The following SEMA5B variants were observed in gnomAD, a reference collection of about 807,000 sequenced individuals.
SEMA5B encodes semaphorin-5B.
Under a neutral mutation model 135.0 loss-of-function variants are expected in SEMA5B, and 66 were observed. The ratio of observed to expected loss-of-function variants is 0.49; its 90% CI spans 0.40 to 0.60. SEMA5B has a LOEUF of 0.60. Ranked by LOEUF, SEMA5B falls within the 20% of genes least tolerant of loss-of-function variation. SEMA5B has a pLI of 0.00. For synonymous variants in SEMA5B, 690 were observed against 639.5 expected (o/e 1.08, Z -1.19); for missense variants, 1,501 against 1,566.3 (o/e 0.96, Z 0.70).
intron 12 of SEMA5B, 108 bp downstream of exon 12, chr3:122,921,807 C>T (rs1301455571): frequency 1.2e-6 from 1 of 835,706 alleles, no homozygotes; most frequent in Non-Finnish European, 1.8e-6. Flanking sequence ...CTAAGGCACA[C>T]TAGTGGAGAC....
At chr3:122,990,340 TA>T (rs567476040) in intron 1 of SEMA5B, among the ~76,000 whole-genome samples, 64 of 152,268 alleles carry the variant, frequency 4.2e-4, no homozygotes, top group South Asian at 2.5e-3. Context: ...AAATACTTCC[TA>T]AGCAGAAGGA....
intron 1 of SEMA5B, among the ~76,000 whole-genome samples, chr3:122,990,400 G>C (rs1235085607): frequency 6.6e-6 from 1 of 152,064 alleles, no homozygotes; most frequent in Non-Finnish European, 1.5e-5. Context: ...AGACTCATGG[G>C]GCCAAAGGCC....
chr3:123,016,952 C>T (rs1441675888), intron 1 of SEMA5B, among the ~76,000 whole-genome samples: 2 of 142,686 alleles, frequency 1.4e-5, no homozygotes, highest in South Asian at 2.2e-4. Flanking sequence ...AGTGCAGTGG[C>T]GCGATCTCGG....
intron 12 of SEMA5B, among the ~76,000 whole-genome samples, chr3:122,920,297 A>G (rs1938285098): frequency 6.6e-6 from 1 of 152,224 alleles, no homozygotes; most frequent in South Asian, 2.1e-4. Context: ...AGGATCAGTC[A>G]TGTGTGGAAG....
chr3:122,999,174 A>G (rs16833753), intron 1 of SEMA5B, among the ~76,000 whole-genome samples: 11,692 of 152,230 alleles, frequency 0.077, 1,339 homozygotes, highest in African/African-American at 0.25. Context: ...GCAGTAATTT[A>G]GAATTGAGGC....
chr3:122,910,258 A>T lies in SEMA5B; in HGVS notation c.3341T>A (p.Phe1114Tyr). 6.2e-7 allele frequency: 1 copy of T among 1,614,208 alleles called. No individual in the cohort carries two copies. Among genetic ancestry groups the T allele is most frequent in the Non-Finnish European group, 8.5e-7 (1 of 1,180,022 alleles). The change falls in exon 23 of 23, where the codon TTC becomes TAC. Residue 1114 changes from phenylalanine (F) to tyrosine (Y), a missense_variant. Around this residue, in one of 2 missense-constraint regions of SEMA5B, gnomAD observed 927 missense variants for 881.6 expected, o/e 1.05. Transcript: ENST00000357599. ...CACATTGGTCTGCTGCAATGGGTAG[A>T]AGTTGGCTCTGTCATCAGGGATCAA... The part of the protein sequence containing the change: ...NNLIPDDRAN[F>Y]YPLQQTNVYT...
chr3:122,928,578 G>C lies in SEMA5B; in HGVS notation c.575C>G (p.Ala192Gly). The C allele has an allele frequency of 6.4e-7, 1 of 1,563,154 alleles. No homozygotes were observed. Among genetic ancestry groups the C allele is most frequent in the Non-Finnish European group, 8.7e-7 (1 of 1,153,062 alleles). ...TCCACACATGAACACCTTCCGGCCG[G>C]CGACGATCAGGACTCGCACGTAGTT... ...CQNYVRVLIV[A>G]GRKVFMCGTN... is the part of the protein sequence containing the mutation. Residue 192 changes from alanine to glycine, a missense_variant, in exon 7 of 23, where the codon GCC becomes GGC. Transcript: ENST00000357599.
chr3:122,922,365 C>T lies in SEMA5B; in HGVS notation c.1355G>A (p.Ser452Asn). 1 of 1,613,172 alleles carries T rather than the reference C, an allele frequency of 6.2e-7. No homozygotes were observed. The highest frequency in any genetic ancestry group is 8.5e-7 in the Non-Finnish European group (1 of 1,179,686). ...GGGTGTCACCGGCTGCACGGCCTCGCTCATCAGGAAGAGGCGCTGCGCGTC... is the reference window on the plus strand; with the variant it reads ...GGGTGTCACCGGCTGCACGGCCTCGTTCATCAGGAAGAGGCGCTGCGCGTC... ...LQDAQRLFLM[S>N]EAVQPVTPEP... is the part of the protein sequence containing the mutation. Residue 452 changes from serine (S) to asparagine (N), a missense_variant, in exon 11 of 23, where the codon AGC becomes AAC. Transcript: ENST00000357599.
intron 1 of SEMA5B, among the ~76,000 whole-genome samples, chr3:123,021,924 C>G (rs183126763): frequency 1.8e-4 from 28 of 152,246 alleles, no homozygotes; most frequent in South Asian, 4.2e-4. Context: ...TCTGAAGATG[C>G]AGTGACTGGC....
chr3:122,969,469 A>C (rs1050529673), intron 1 of SEMA5B, among the ~76,000 whole-genome samples: 5 of 152,126 alleles, frequency 3.3e-5, no homozygotes, highest in Admixed American at 6.6e-5. Flanking sequence ...CCTGCGTCCT[A>C]TCCCGTGCTG....
intron 2 of SEMA5B, among the ~76,000 whole-genome samples, chr3:122,951,877 A>G (rs1425615518): frequency 6.6e-6 from 1 of 152,164 alleles, no homozygotes; most frequent in Non-Finnish European, 1.5e-5. Flanking sequence ...ACCTTACTCC[A>G]GGTCTGGAAA....
Position 122,915,848 on chromosome 3 carries a change from C to T in SEMA5B, c.1731G>A (p.Gly577=), listed in dbSNP as rs954994678. The change falls in exon 13 of 23, where the codon GGG becomes GGA. Residue 577 remains glycine (G), a synonymous_variant. Transcript: ENST00000357599. ...GARDPYCGWD[G]KQQRCSTLED... ...CGAGTGTGCTGCAACGTTGCTGCTT[C>T]CCGTCCCAGCCACAGTACGGGTCCC... The T allele has an allele frequency of 2.5e-6, 4 of 1,614,006 alleles. No homozygotes were observed. Among genetic ancestry groups the T allele is most frequent in the Non-Finnish European group, 3.4e-6 (4 of 1,179,984 alleles).
intron 5 of SEMA5B, among the ~76,000 whole-genome samples, chr3:122,930,975 C>G (rs924644325): frequency 1.3e-5 from 2 of 151,994 alleles, no homozygotes; most frequent in Non-Finnish European, 2.9e-5. Flanking sequence ...GGCCATATGC[C>G]CCCAAAAAAG....
intron 6 of SEMA5B, among the ~76,000 whole-genome samples, 182 bp from the exon 7 acceptor site, chr3:122,928,797 C>A (rs1006945839): frequency 1.3e-5 from 2 of 152,254 alleles, no homozygotes; most frequent in African/African-American, 4.8e-5. Flanking sequence ...AAGGTCATTT[C>A]TCCGCATCAC....
At chr3:123,018,767 C>T (rs1250816289) in intron 1 of SEMA5B, among the ~76,000 whole-genome samples, 2 of 152,144 alleles carry the variant, frequency 1.3e-5, no homozygotes, top group Non-Finnish European at 2.9e-5. Context: ...ACTGCCTATC[C>T]CCTGTCATGA....
Position 122,913,074 on chromosome 3 carries a change from T to TCCACC in SEMA5B, c.2507-14_2507-13insGGTGG. On this transcript the variant is annotated splice_polypyrimidine_tract_variant and intron_variant, in intron 17 of 22. Transcript: ENST00000357599. ...ACCTCCACCAGGGCTGCGGAGGGGC[T>TCCACC]AGGCCTCAGCGACTGGGCGCCCGGC... The TCCACC allele has an allele frequency of 6.9e-7, 1 of 1,450,202 alleles. No individual in the cohort carries two copies. The highest frequency in any genetic ancestry group is 9.0e-7 in the Non-Finnish European group (1 of 1,106,374). The allele number at this position is 1,450,202 out of a possible 1,614,324, so 89.8% of individuals were successfully genotyped here.
At chr3:123,022,156 G>A (rs1942697488) in intron 1 of SEMA5B, among the ~76,000 whole-genome samples, 1 of 152,164 alleles carries the variant, frequency 6.6e-6, no homozygotes, top group African/African-American at 2.4e-5. Context: ...CCAGTGGTTT[G>A]GCAGAGGTGC....
At chr3:122,994,853 A>G (rs1490338676) in intron 1 of SEMA5B, among the ~76,000 whole-genome samples, 1 of 152,178 alleles carries the variant, frequency 6.6e-6, no homozygotes, top group Non-Finnish European at 1.5e-5. Context: ...GTACTGTGCC[A>G]CCCACGATGC....
intron 1 of SEMA5B, among the ~76,000 whole-genome samples, chr3:123,001,825 G>C (rs1479578132): frequency 2.6e-5 from 4 of 152,140 alleles, no homozygotes; most frequent in Non-Finnish European, 5.9e-5. Context: ...GGCACTTATT[G>C]GGTAACCAAC....
Sources: allele counts gnomAD v4.1 joint callset (sites outside exome capture counted in the v4.1 genomes callset), GRCh38; gene constraint gnomAD v4.1.1; regional missense constraint gnomAD v4.1.1; transcripts MANE v1.5; gene names NCBI Gene and HGNC (gene_info 2026-07-23, HGNC 2026-07-21).